Variants in BCAS3 observed in about 807,000 individuals in gnomAD.
The protein encoded by BCAS3 is BCAS4/BCAS3 fusion.
In BCAS3, 53 loss-of-function variants were observed where a neutral mutation model predicts 116.1. The observed-to-expected ratio is 0.46, with a 90% confidence interval of 0.37 to 0.57. The LOEUF is 0.57. Ranked by LOEUF, BCAS3 falls within the 20% of genes least tolerant of loss-of-function variation. The pLI is 0.00. For missense variants in BCAS3, 917 were observed against 1,165.4 expected (o/e 0.79, Z 3.10); for synonymous variants, 391 against 408.2 (o/e 0.96, Z 0.51).
chr17:61,340,592 A>G (rs1042957422), intron 22 of BCAS3, among the ~76,000 whole-genome samples: 1 of 152,138 alleles, frequency 6.6e-6, no homozygotes, highest in African/African-American at 2.4e-5. Flanking sequence ...ACCCGTTAGC[A>G]TGGTGTGCTT....
chr17:60,821,099 A>G (rs1039562609), intron 7 of BCAS3, among the ~76,000 whole-genome samples: 1 of 152,064 alleles, frequency 6.6e-6, no homozygotes, highest in Non-Finnish European at 1.5e-5. Context: ...GGTGCTTGCC[A>G]TCATGCCTGG....
At chr17:60,825,018 G>A (rs2050262100) in intron 7 of BCAS3, among the ~76,000 whole-genome samples, 1 of 151,962 alleles carries the variant, frequency 6.6e-6, no homozygotes, top group Middle Eastern at 3.4e-3. Context: ...ATACAAAAAT[G>A]AGCTGGGTGT....
At chr17:61,296,936 G>T (rs994854996) in intron 22 of BCAS3, among the ~76,000 whole-genome samples, 1 of 152,214 alleles carries the variant, frequency 6.6e-6, no homozygotes, top group Non-Finnish European at 1.5e-5. Flanking sequence ...GAGTCTGAAG[G>T]CTTTGGGGAG....
chr17:61,245,018 G>A (rs1224514831), intron 22 of BCAS3, among the ~76,000 whole-genome samples: 1 of 152,108 alleles, frequency 6.6e-6, no homozygotes, highest in Non-Finnish European at 1.5e-5. Context: ...CCATTCTCAC[G>A]CTGCTGTAAG....
chr17:61,152,039 C>T (rs1448962619), intron 22 of BCAS3, among the ~76,000 whole-genome samples: 1 of 152,138 alleles, frequency 6.6e-6, no homozygotes, highest in African/African-American at 2.4e-5. Context: ...TTGGTTCCTT[C>T]GGTGGGTTCA....
intron 16 of BCAS3, chr17:61,027,529 A>G (rs2066340789): frequency 3.0e-6 from 1 of 330,900 alleles, no homozygotes; most frequent in South Asian, 2.7e-5. Flanking sequence ...CACAGAATAC[A>G]GCTTTGTCAG....
chr17:61,340,323 C>T (rs2057047709), intron 22 of BCAS3, among the ~76,000 whole-genome samples: 1 of 125,336 alleles, frequency 8.0e-6, no homozygotes, highest in African/African-American at 3.2e-5. Flanking sequence ...ACTGTGTATA[C>T]ACAGATGCAG....
At chr17:61,163,957 A>G (rs2078321598) in intron 22 of BCAS3, among the ~76,000 whole-genome samples, 1 of 146,876 alleles carries the variant, frequency 6.8e-6, no homozygotes, top group South Asian at 2.1e-4. Context: ...AGATTGTACC[A>G]TCGCACTCCA....
intron 19 of BCAS3, among the ~76,000 whole-genome samples, chr17:61,055,180 A>C (rs1050551737): frequency 6.6e-5 from 10 of 152,170 alleles, no homozygotes; most frequent in Non-Finnish European, 1.3e-4. Flanking sequence ...TAATGGGTTG[A>C]TATTGGCAGG....
At chr17:60,887,447 T>A (rs1226016753) in intron 9 of BCAS3, 1 of 153,594 alleles carries the variant, frequency 6.5e-6, no homozygotes, top group Non-Finnish European at 1.4e-5. Context: ...AGACTGGAGC[T>A]GTTCGTATTC....
chr17:61,320,573 G>A (rs2055130500), intron 22 of BCAS3, among the ~76,000 whole-genome samples: 1 of 151,854 alleles, frequency 6.6e-6, no homozygotes, highest in Non-Finnish European at 1.5e-5. Context: ...CTGCTTGGGA[G>A]GCTGAGGCAG....
At chr17:60,688,306 A>G (rs1017087868) in intron 3 of BCAS3, 1 of 151,996 alleles carries the variant, frequency 6.6e-6, no homozygotes, top group South Asian at 2.1e-4. Context: ...ATATTAGGGG[A>G]GAATTTTTTT....
At chr17:60,868,871 A>G (rs1227288077) in intron 8 of BCAS3, among the ~76,000 whole-genome samples, 188 bp downstream of exon 8, 1 of 152,206 alleles carries the variant, frequency 6.6e-6, no homozygotes, top group Non-Finnish European at 1.5e-5. Flanking sequence ...TCTAGTCTTG[A>G]TCCATTAGGG....
In BCAS3 at chr17:61,181,127, G is replaced by A. The variant is rs776921473; in HGVS notation, c.2425+96563G>A. Among the ~76,000 whole-genome samples the A allele has an allele frequency of 4.6e-5, 7 of 152,126 alleles. No homozygotes were observed. Among genetic ancestry groups the A allele is most frequent in the Non-Finnish European group, 7.3e-5 (5 of 68,030 alleles). The stretch of plus-strand genomic sequence containing the variant: ...TGTAGTCTCAGCTACTCAGGAGCTG[G>A]GAGGATCACTTGACCCTAGGAACTC... On this transcript the variant is annotated intron_variant, in intron 22 of 23. Coordinates refer to ENST00000407086, the MANE Select transcript of BCAS3 (RefSeq NM_017679.5). This position sits in a 1 kb window ranked among gnomAD's most constrained non-coding sequence, Gnocchi z 5.0.
chr17:61,178,422 T>C (rs1438464554), intron 22 of BCAS3, among the ~76,000 whole-genome samples: 1 of 152,174 alleles, frequency 6.6e-6, no homozygotes, highest in Non-Finnish European at 1.5e-5. Context: ...TTCCATTAGC[T>C]TGACTAGAGT....
At chr17:60,808,119 T>G in intron 7 of BCAS3, 43 bp downstream of exon 7, 1 of 1,311,176 alleles carries the variant, frequency 7.6e-7, no homozygotes, top group South Asian at 1.3e-5. Flanking sequence ...TATTACAAAT[T>G]TATATTATTC....
At position 60,994,768 on chromosome 17, in the gene BCAS3, A is replaced by T. The variant is rs2063734331; in HGVS notation, c.1486+4533A>T. On this transcript the variant is annotated intron_variant, in intron 15 of 23. Coordinates refer to ENST00000407086, the MANE Select transcript of BCAS3 (RefSeq NM_017679.5). This position sits in a 1 kb window ranked among gnomAD's most constrained non-coding sequence, Gnocchi z 4.4. ...TTGCCTCTTTGAATGCCTACTAAGC[A>T]AGCTAAAATATTACTGCCTCTCTTA... is the stretch of plus-strand genomic sequence containing the variant. Among the ~76,000 whole-genome samples the T allele has an allele frequency of 1.3e-5, 2 of 152,214 alleles. No homozygotes were observed. The highest frequency in any genetic ancestry group is 4.1e-4 in the South Asian group (2 of 4,832).
At chr17:60,687,697 T>C (rs2034265661) in intron 3 of BCAS3, among the ~76,000 whole-genome samples, 1 of 152,092 alleles carries the variant, frequency 6.6e-6, no homozygotes, top group Admixed American at 6.6e-5. Context: ...TGTGTCTTAC[T>C]GAGAATAAAA....
chr17:61,107,724 T>C (rs1239211642), intron 22 of BCAS3, among the ~76,000 whole-genome samples: 2 of 152,230 alleles, frequency 1.3e-5, no homozygotes, highest in Non-Finnish European at 2.9e-5. Context: ...TATTGCATGG[T>C]ATGGATGTCG....
Sources: allele counts gnomAD v4.1 joint callset (sites outside exome capture counted in the v4.1 genomes callset), GRCh38; gene constraint gnomAD v4.1.1; non-coding constraint Gnocchi (gnomAD v3.1); transcripts MANE v1.5; gene names NCBI Gene and HGNC (gene_info 2026-07-23, HGNC 2026-07-21).